MMEL1: variants seen among roughly 807,000 people sequenced by gnomAD.
MMEL1 encodes membrane metalloendopeptidase like 1.
Under a neutral mutation model 117.1 loss-of-function variants are expected in MMEL1, and 98 were observed. The observed-to-expected ratio is 0.84, with a 90% CI of 0.71 to 0.99. MMEL1 has a LOEUF of 0.99. Ranked by LOEUF, MMEL1 falls within the 50% of genes least tolerant of loss-of-function variation. The probability of loss-of-function intolerance (pLI) is 0.00; values close to 1 mark genes in which losing one functional copy is unlikely to be tolerated. For synonymous variants in MMEL1, 390 were observed against 415.1 expected, an observed-to-expected ratio of 0.94 and a Z score of 0.74; for missense variants, 1,014 against 1,049.1, an observed-to-expected ratio of 0.97 and a Z score of 0.46.
chr1:2,598,587 T>A, intron 12 of MMEL1, 67 bp downstream of exon 12: 1 of 1,600,494 alleles, frequency 6.2e-7, no homozygotes, highest in South Asian at 1.1e-5. Flanking sequence ...GCAGAAGCTG[T>A]GTTGGGGAGG....
chr1:2,600,401 A>C (rs1481494698), intron 11 of MMEL1, among the ~76,000 whole-genome samples: 1 of 152,130 alleles, frequency 6.6e-6, no homozygotes, highest in East Asian at 1.9e-4. Context: ...GAACTGAAAG[A>C]GAATAAATAA....
chr1:2,613,298 C>T (rs908126552), intron 2 of MMEL1, among the ~76,000 whole-genome samples: 2 of 152,180 alleles, frequency 1.3e-5, no homozygotes, highest in African/African-American at 2.4e-5. Context: ...GTGGTGAGTG[C>T]GAGCGGAAGG....
rs781191061 is a variant in MMEL1 at position 2,605,612 on chromosome 1, G to A, written c.762C>T (p.Pro254=). ...SSRHIIYIDQ[P]TLGMPSREYY... ...ACTCTCGGGAGGGCATGCCCAAGGTGGGCTGGTCTATCTGGAAATACAGAA... is the reference window on the plus strand; with the variant it reads ...ACTCTCGGGAGGGCATGCCCAAGGTAGGCTGGTCTATCTGGAAATACAGAA... The change falls in exon 9 of 24, where the codon CCC becomes CCT. Residue 254 remains proline (P), a synonymous_variant. Transcript: ENST00000378412. 5.0e-6 allele frequency: 8 copies of A among 1,612,574 alleles called. No individual in the cohort carries two copies. The highest frequency in any genetic ancestry group is 2.7e-5 in the African/African-American group (2 of 74,914).
chr1:2,595,473 G>A lies in MMEL1; in HGVS notation c.1501-114C>T. The A allele has an allele frequency of 1.2e-6, 1 of 850,054 alleles. No individual in the cohort carries two copies. The highest frequency in any genetic ancestry group is 2.0e-6 in the Non-Finnish European group (1 of 510,322). The allele number at this position is 850,054 out of a possible 1,614,324, so 52.7% of individuals were successfully genotyped here. A position where few individuals can be genotyped will look rare whatever the true frequency, so the allele number is the denominator to read the frequency against. ...GGGGTCAGCCCGGGGCATCCTGGCT[G>A]TGCTCTCCCTGTCCTGTGGTGAGGG... On this transcript the variant is annotated intron_variant, in intron 15 of 23. Transcript: ENST00000378412. This position sits in a 1 kb window ranked among gnomAD's most constrained non-coding sequence, Gnocchi z 4.8.
chr1:2,600,541 A>G (rs77157427), intron 11 of MMEL1, among the ~76,000 whole-genome samples: 31,579 of 151,054 alleles, frequency 0.21, 4,102 homozygotes, highest in African/African-American at 0.36. Context: ...TCTGGGAAAA[A>G]AAAAAAAATC....
At position 2,629,440 on chromosome 1, in the gene MMEL1, GCCGGCGCTCTCCACCATCC is replaced by G; in HGVS notation, c.26_44del (p.Gly9AlafsTer22). The G allele has an allele frequency of 6.5e-7, 1 of 1,543,782 alleles. No individual in the cohort carries two copies. Among genetic ancestry groups the G allele is most frequent in the Non-Finnish European group, 8.7e-7 (1 of 1,145,138 alleles). On this transcript the variant is annotated frameshift_variant, in exon 2 of 24. Transcript: ENST00000378412. LOFTEE classifies it high-confidence loss of function. ...ACCCCGGGCGCTTCTGCCCTGCACG[GCCGGCGCTCTCCACCATCC>G]CCACTGGGCCTTCGGACTTCCCCAT...
chr1:2,603,188 C>T (rs1195299101), intron 11 of MMEL1, among the ~76,000 whole-genome samples: 1 of 152,216 alleles, frequency 6.6e-6, no homozygotes, highest in Non-Finnish European at 1.5e-5. Flanking sequence ...TCCAGACACT[C>T]AGGGACATAC....
At chr1:2,607,187 C>T (rs1216891423) in intron 6 of MMEL1, 118 bp from the exon 7 acceptor site, 22 of 794,022 alleles carry the variant, frequency 2.8e-5, no homozygotes, top group East Asian at 1.6e-4. Context: ...TGCAGTGCTC[C>T]GCGAGAGGCG....
At chr1:2,616,452 G>C (rs1407885932) in intron 2 of MMEL1, among the ~76,000 whole-genome samples, 1 of 151,686 alleles carries the variant, frequency 6.6e-6, no homozygotes, top group Non-Finnish European at 1.5e-5. Flanking sequence ...GAAGATGATG[G>C]AATGAGCTCT....
rs760672808 is a variant in MMEL1, at chr1:2,592,833, G to A, written c.2001C>T (p.Asn667=). The part of the protein sequence containing the change: ...NYSWDLADEQ[N]VNGFNTLGEN... ...CCTGGGTGCTGGTGGCAGCGCTCACGTTCTGTTCGTCTGCCAGGTCCCAGG... is the reference window on the plus strand; with the variant it reads ...CCTGGGTGCTGGTGGCAGCGCTCACATTCTGTTCGTCTGCCAGGTCCCAGG... The change falls in exon 20 of 24, where the codon AAC becomes AAT. Residue 667 remains asparagine, a splice_region_variant and synonymous_variant. Coordinates refer to ENST00000378412, the MANE Select transcript of MMEL1 (RefSeq NM_033467.4). The A allele has an allele frequency of 5.3e-5, 85 of 1,613,524 alleles. No individual in the cohort carries two copies. The highest frequency in any genetic ancestry group is 1.6e-4 in the Middle Eastern group (1 of 6,062).
At chr1:2,622,103 TAGG>T (rs5772073) in intron 2 of MMEL1, among the ~76,000 whole-genome samples, 67,039 of 151,736 alleles carry the variant, frequency 0.44, 16,029 homozygotes, top group African/African-American at 0.63. Flanking sequence ...CCTCCAGAAC[TAGG>T]AGGAGAAAAT....
At chr1:2,602,207 G>A (rs1045344356) in intron 11 of MMEL1, among the ~76,000 whole-genome samples, 38 of 55,808 alleles carry the variant, frequency 6.8e-4, no homozygotes, top group African/African-American at 4.4e-3. Context: ...CTCCAGGGAA[G>A]GAGGCAGGCA....
chr1:2,608,559 A>G (rs1645068382), intron 6 of MMEL1, among the ~76,000 whole-genome samples: 1 of 151,956 alleles, frequency 6.6e-6, no homozygotes, highest in Non-Finnish European at 1.5e-5. Flanking sequence ...ACACATATAC[A>G]CATGTACACA....
intron 6 of MMEL1, among the ~76,000 whole-genome samples, chr1:2,608,928 T>C (rs1396814145): frequency 6.6e-6 from 1 of 150,582 alleles, no homozygotes; most frequent in African/African-American, 2.5e-5. Context: ...CATACACGTA[T>C]ACACATATAC....
chr1:2,606,989 A>G lies in MMEL1; in HGVS notation c.616T>C (p.Trp206Arg). The change falls in exon 7 of 24, where the codon TGG (tryptophan) becomes CGG (arginine). Residue 206 changes from tryptophan (W) to arginine (R), a missense_variant. Trp to Arg is a moderately radical substitution (Grantham distance 101, BLOSUM62 -3). Coordinates refer to ENST00000378412, the MANE Select transcript of MMEL1 (RefSeq NM_033467.4). ...VGGWPVAMDR[W>R]NETVGLEWEL... ...CCGGCCTTACCTACGGTCTCGTTCCACCTGTCCATCGCCACCGGCCAGCCT... is the reference window on the plus strand; with the variant it reads ...CCGGCCTTACCTACGGTCTCGTTCCGCCTGTCCATCGCCACCGGCCAGCCT... 1 of 1,612,868 alleles carries G rather than the reference A, an allele frequency of 6.2e-7. No individual in the cohort carries two copies.
intron 2 of MMEL1, among the ~76,000 whole-genome samples, chr1:2,618,847 G>T (rs925704445): frequency 6.6e-6 from 1 of 152,160 alleles, no homozygotes; most frequent in African/African-American, 2.4e-5. Context: ...AGCAAAACCA[G>T]AACCCCAAAG....
intron 2 of MMEL1, among the ~76,000 whole-genome samples, chr1:2,619,827 G>A (rs1422153153): frequency 1.3e-5 from 2 of 152,070 alleles, no homozygotes; most frequent in Non-Finnish European, 2.9e-5. Context: ...TAACAGAACA[G>A]AAGATTTAGT....
chr1:2,618,366 C>A (rs1436150824), intron 2 of MMEL1, among the ~76,000 whole-genome samples: 1 of 152,230 alleles, frequency 6.6e-6, no homozygotes, highest in Non-Finnish European at 1.5e-5. Context: ...GCTTCCTGTG[C>A]AGCCTGCAGA....
At chr1:2,596,901 C>T (rs12133956) in intron 13 of MMEL1, among the ~76,000 whole-genome samples, 1 of 151,998 alleles carries the variant, frequency 6.6e-6, no homozygotes, top group Non-Finnish European at 1.5e-5. Flanking sequence ...GGGGAACTTC[C>T]GCAGACTGAG....
Sources: gnomAD v4.1 joint callset for allele counts (sites outside exome capture counted in the v4.1 genomes callset) on GRCh38, gnomAD v4.1.1 for gene constraint, Gnocchi (gnomAD v3.1) non-coding constraint, MANE v1.5 for transcripts, NCBI Gene and HGNC (gene_info 2026-07-23, HGNC 2026-07-21) for gene names.